RNF180: variants seen among roughly 807,000 people sequenced by gnomAD.
The protein encoded by RNF180 is E3 ubiquitin-protein ligase RNF180.
In RNF180, 38 loss-of-function variants were observed where a neutral mutation model predicts 59.2. The observed-to-expected ratio is 0.64, with a 90% CI of 0.50 to 0.84. RNF180 has a LOEUF of 0.84. RNF180 is among the 40% of genes least tolerant of loss of function. The pLI, the probability that RNF180 is intolerant of heterozygous loss-of-function variation, is 0.00. For synonymous variants in RNF180, 262 were observed against 240.3 expected (o/e 1.09, Z -0.84); for missense variants, 705 against 700.9 (o/e 1.01, Z -0.07).
At chr5:64,320,402 T>A (rs1744285395) in intron 5 of RNF180, among the ~76,000 whole-genome samples, 2 of 152,146 alleles carry the variant, frequency 1.3e-5, no homozygotes, top group Non-Finnish European at 2.9e-5. Flanking sequence ...GTGAAGTAAG[T>A]CCTTCACTCC....
chr5:64,194,005 GT>G lies in RNF180; in HGVS notation c.1-6792del, dbSNP rs201300338. On this transcript the variant is annotated intron_variant, in intron 1 of 7. Coordinates refer to ENST00000389100, the MANE Select transcript of RNF180 (RefSeq NM_001113561.2). The stretch of plus-strand genomic sequence containing the variant: ...AGAGAGACACACTTTAAAGTTACAA[GT>G]TTTTTTTTTTATTATACTTTAAGTT... Among the ~76,000 whole-genome samples, 457 of 147,922 alleles carry G rather than the reference GT, an allele frequency of 3.1e-3. 2 individuals are homozygous for G. Among genetic ancestry groups the G allele is most frequent in the African/African-American group, 0.011 (428 of 40,572 alleles).
rs202044453 is a variant in RNF180 at position 64,227,611 on chromosome 5, C to T, written c.1227+10215C>T. Among the ~76,000 whole-genome samples the T allele has an allele frequency of 3.8e-4, 58 of 152,282 alleles. No homozygotes were observed. In the East Asian group the frequency reaches 0.01, roughly 27 times the overall value. Reference sequence around the variant, plus strand: ...CAGTGCTAACACCAAAGACCAAACCCGAATCTTGGTTCACATACTCTGCAA... The same window carrying T: ...CAGTGCTAACACCAAAGACCAAACCTGAATCTTGGTTCACATACTCTGCAA... On this transcript the variant is annotated intron_variant, in intron 5 of 7. Coordinates refer to ENST00000389100, the MANE Select transcript of RNF180 (RefSeq NM_001113561.2).
chr5:64,223,861 G>T (rs61294320), intron 5 of RNF180, among the ~76,000 whole-genome samples: 4 of 152,210 alleles, frequency 2.6e-5, no homozygotes, highest in African/African-American at 9.6e-5. Context: ...GGAAGTAGAG[G>T]GGGGGAGACA....
intron 5 of RNF180, among the ~76,000 whole-genome samples, chr5:64,282,777 T>C (rs1396343100): frequency 6.6e-6 from 1 of 152,230 alleles, no homozygotes; most frequent in Non-Finnish European, 1.5e-5. Context: ...TCTGCCTTAT[T>C]CAGAAGCAGG....
chr5:64,280,787 T>C (rs1299168092), intron 5 of RNF180, among the ~76,000 whole-genome samples: 1 of 152,222 alleles, frequency 6.6e-6, no homozygotes, highest in Non-Finnish European at 1.5e-5. Context: ...ATTCTAACTC[T>C]TTTTGGTTCC....
intron 5 of RNF180, among the ~76,000 whole-genome samples, chr5:64,279,434 CTGT>C (rs1741890904): frequency 6.6e-6 from 1 of 151,924 alleles, no homozygotes; most frequent in South Asian, 2.1e-4. Flanking sequence ...AGGGGTTTTT[CTGT>C]TGTTGTTTTT....
In RNF180 at chr5:64,371,793, G is replaced by A. The variant is rs1052142202; in HGVS notation, c.*1979G>A. On this transcript the variant is annotated 3_prime_UTR_variant, in exon 8 of 8. Coordinates refer to ENST00000389100, the MANE Select transcript of RNF180 (RefSeq NM_001113561.2). ...AAATATTCTTAAATTTTGTAAAAGTGGAGATAAAAACTGCTAAATATTAAG... is the reference window on the plus strand; with the variant it reads ...AAATATTCTTAAATTTTGTAAAAGTAGAGATAAAAACTGCTAAATATTAAG... 2 of 151,424 alleles carry A rather than the reference G, an allele frequency of 1.3e-5. No homozygotes were observed. Among genetic ancestry groups the A allele is most frequent in the Admixed American group, 6.6e-5 (1 of 15,140 alleles). The allele number at this position is 151,424 out of a possible 1,614,324, so 9.4% of individuals were successfully genotyped here.
intron 5 of RNF180, among the ~76,000 whole-genome samples, chr5:64,258,415 G>A (rs1744115604): frequency 6.6e-6 from 1 of 152,184 alleles, no homozygotes; most frequent in Non-Finnish European, 1.5e-5. Context: ...AAGAGAGGTT[G>A]AGTTACTGAA....
rs1744588783 is a variant in RNF180, at chr5:64,325,398, C to A, written c.1440C>A (p.Val480=). ...CPLCRTIISR[V]FFQTELNNAT... ...TGTGTCGGACAATTATTTCTAGAGT[C>A]TTTTTCCAAACAGGTAACAATTCTC... The change falls in exon 6 of 8, where the codon GTC becomes GTA. Residue 480 remains valine (V), a synonymous_variant. Coordinates refer to ENST00000389100, the MANE Select transcript of RNF180 (RefSeq NM_001113561.2). The A allele has an allele frequency of 6.5e-7, 1 of 1,548,752 alleles. No individual in the cohort carries two copies. Among genetic ancestry groups the A allele is most frequent in the Non-Finnish European group, 8.7e-7 (1 of 1,144,280 alleles).
At chr5:64,165,678 G>A (rs1015732238), upstream of RNF180, among the ~76,000 whole-genome samples, 2 of 152,142 alleles carry the variant, frequency 1.3e-5, no homozygotes, top group East Asian at 3.9e-4. Flanking sequence ...GCCCGGCGCC[G>A]CCCACGCGCG....
intron 1 of RNF180, among the ~76,000 whole-genome samples, chr5:64,171,737 T>C (rs1209538095): frequency 1.3e-5 from 2 of 152,114 alleles, no homozygotes; most frequent in Non-Finnish European, 2.9e-5. Flanking sequence ...ACCTTTGGAG[T>C]ACCAAGTGGC....
rs957715175 is a variant in RNF180, at chr5:64,262,909, A to G, written c.1227+45513A>G. ...TGTCTCTGCCTAACCAAAAACTCCC[A>G]CTGCAAAATATGTGCTTCTGTAGAA... On this transcript the variant is annotated intron_variant, in intron 5 of 7. Coordinates refer to ENST00000389100, the MANE Select transcript of RNF180 (RefSeq NM_001113561.2). Among the ~76,000 whole-genome samples, 3 of 152,172 alleles carry G rather than the reference A, an allele frequency of 2.0e-5. No homozygotes were observed. The South Asian group carries it at 6.2e-4, about 31-fold the overall frequency.
intron 2 of RNF180, among the ~76,000 whole-genome samples, chr5:64,204,278 A>C (rs1036652145): frequency 6.6e-6 from 1 of 152,182 alleles, no homozygotes; most frequent in African/African-American, 2.4e-5. Context: ...TCTTATAATC[A>C]GTGCTACTGT....
chr5:64,369,534 T>C, intron 7 of RNF180, 81 bp from the exon 8 acceptor site: 2 of 810,764 alleles, frequency 2.5e-6, no homozygotes, highest in Non-Finnish European at 3.6e-6. Context: ...ATATGCTTTG[T>C]TTAACTGTAC....
At chr5:64,305,990 G>A (rs1371289232) in intron 5 of RNF180, among the ~76,000 whole-genome samples, 2 of 151,580 alleles carry the variant, frequency 1.3e-5, no homozygotes, top group Admixed American at 6.6e-5. Context: ...AAGTCAGATA[G>A]CCTAGCTTGA....
chr5:64,198,560 A>G (rs141950715), intron 1 of RNF180, among the ~76,000 whole-genome samples: 30 of 152,312 alleles, frequency 2.0e-4, no homozygotes, highest in Admixed American at 2.0e-3. Context: ...CCAAGAAGGC[A>G]TGGAAAAATT....
chr5:64,238,705 A>G (rs2112227599), intron 5 of RNF180, among the ~76,000 whole-genome samples: 1 of 152,268 alleles, frequency 6.6e-6, no homozygotes, highest in Admixed American at 6.5e-5. Context: ...ACTGAGTTGT[A>G]GGAGCTCCTT....
At chr5:64,245,164 T>A (rs1743075578) in intron 5 of RNF180, among the ~76,000 whole-genome samples, 1 of 152,094 alleles carries the variant, frequency 6.6e-6, no homozygotes. Context: ...ATCAACACTA[T>A]GAAGAAACTG....
chr5:64,213,501 T>C (rs1752419754), intron 3 of RNF180, 57 bp from the exon 4 acceptor site: 1 of 1,500,030 alleles, frequency 6.7e-7, no homozygotes, highest in Non-Finnish European at 8.9e-7. Context: ...AAAAAAAATT[T>C]CTCTTCAGTT....
Sources: gnomAD v4.1 joint callset for allele counts (sites outside exome capture counted in the v4.1 genomes callset) on GRCh38, gnomAD v4.1.1 for gene constraint, MANE v1.5 for transcripts, NCBI Gene and HGNC (gene_info 2026-07-23, HGNC 2026-07-21) for gene names.